The following PARL variants were observed in gnomAD, a reference collection of about 807,000 sequenced individuals.
PARL encodes the protein presenilin-associated rhomboid-like protein, mitochondrial.
PARL carries 44 observed loss-of-function variants against 51.6 expected under a neutral mutation model. The observed-to-expected ratio is 0.85, with a 90% CI of 0.67 to 1.10. The LOEUF (loss-of-function observed/expected upper bound fraction) is 1.10. PARL is among the 50% of genes least tolerant of loss of function. The pLI, the probability that PARL is intolerant of heterozygous loss-of-function variation, is 0.00. For missense variants in PARL, 441 were observed against 469.5 expected (o/e 0.94, Z 0.56); for synonymous variants, 172 against 164.0 (o/e 1.05, Z -0.37).
Position 183,829,522 on chromosome 3 carries a change from T to C in PARL, c.*76A>G. On this transcript the variant is annotated 3_prime_UTR_variant, in exon 10 of 10. Coordinates refer to ENST00000317096, the MANE Select transcript of PARL (RefSeq NM_018622.7). ...CATCTTCCAGACGGGAGCATAGCCA[T>C]GGTCACTCTAGCCGATGTCTCCTGG... is the stretch of plus-strand genomic sequence containing the variant. The C allele has an allele frequency of 1.9e-6, 3 of 1,613,714 alleles. No homozygotes were observed. The highest frequency in any genetic ancestry group is 1.7e-6 in the Non-Finnish European group (2 of 1,179,998).
chr3:183,882,226 T>C (rs867729769), intron 1 of PARL, among the ~76,000 whole-genome samples: 2 of 25,780 alleles, frequency 7.8e-5, no homozygotes, highest in Non-Finnish European at 1.5e-4. Context: ...AAAAAAAATA[T>C]ATATATATAT....
chr3:183,871,150 AACTCAAAGTAAGATGGTACTAT>A (rs1187844836), intron 1 of PARL, among the ~76,000 whole-genome samples: 6 of 152,234 alleles, frequency 3.9e-5, no homozygotes, highest in African/African-American at 1.4e-4. Context: ...TATTGTGAGT[AACTCAAAGTAAGATGGTACTAT>A]ACTCAAAGTA....
intron 9 of PARL, among the ~76,000 whole-genome samples, chr3:183,831,255 C>T (rs770884938): frequency 1.2e-4 from 19 of 152,222 alleles, no homozygotes; most frequent in Non-Finnish European, 2.2e-4. Flanking sequence ...GGATTACAGG[C>T]GTGAGCCACT....
chr3:183,838,327 G>A (rs1254427320), intron 7 of PARL, among the ~76,000 whole-genome samples: 3 of 152,144 alleles, frequency 2.0e-5, no homozygotes, highest in Non-Finnish European at 2.9e-5. Context: ...GTGCCTGGCT[G>A]TCCCCTGCAT....
intron 4 of PARL, among the ~76,000 whole-genome samples, chr3:183,846,188 T>C (rs1729925429): frequency 1.3e-5 from 2 of 151,488 alleles, no homozygotes; most frequent in South Asian, 4.2e-4. Flanking sequence ...GGAAAATACA[T>C]GAAAAAAAAT....
intron 3 of PARL, among the ~76,000 whole-genome samples, chr3:183,864,703 G>A (rs190130278): frequency 7.0e-4 from 106 of 151,928 alleles, no homozygotes; most frequent in Middle Eastern, 3.4e-3. Flanking sequence ...GTGAACCCGG[G>A]AGGCAGAGCT....
chr3:183,882,269 T>TTATATATATATATATATATATATTTA (rs1160451429), intron 1 of PARL, among the ~76,000 whole-genome samples: 8 of 30,484 alleles, frequency 2.6e-4, no homozygotes, highest in Non-Finnish European at 5.3e-4. Context: ...ATATATATAT[T>TTATATATATATATATATATATATTTA]TATATATATA....
chr3:183,838,000 A>G (rs779553840), intron 7 of PARL, among the ~76,000 whole-genome samples: 1 of 150,374 alleles, frequency 6.7e-6, no homozygotes, highest in Non-Finnish European at 1.5e-5. Context: ...ATTTACAAAC[A>G]TATTTTAACA....
chr3:183,860,482 T>C (rs372758257), intron 4 of PARL, among the ~76,000 whole-genome samples: 1 of 152,222 alleles, frequency 6.6e-6, no homozygotes, highest in African/African-American at 2.4e-5. Context: ...CACATTTATG[T>C]TGTTCAAAGC....
Position 183,842,408 on chromosome 3 carries a change from T to A in PARL, c.647A>T (p.His216Leu), listed in dbSNP as rs571104101. ...CSPMLLSTFSHFSLFHMAANM... is the reference protein window; with the variant it reads ...CSPMLLSTFSLFSLFHMAANM... ...TGCTGCCATGTGAAATAAGGAGAAA[T>A]GACTGAATGTTGACAGCAACATTGG... Residue 216 changes from histidine to leucine, a missense_variant, in exon 6 of 10, where the codon CAT (histidine) becomes CTT (leucine). Physicochemically the swap from His to Leu is moderately conservative, Grantham distance 99. Coordinates refer to ENST00000317096, the MANE Select transcript of PARL (RefSeq NM_018622.7). 6.2e-7 allele frequency: 1 copy of A among 1,612,800 alleles called. No individual in the cohort carries two copies. Among genetic ancestry groups the A allele is most frequent in the East Asian group, 2.2e-5 (1 of 44,880 alleles).
At chr3:183,868,104 C>A (rs1475701665) in intron 1 of PARL, 44 bp from the exon 2 acceptor site, 3 of 1,388,550 alleles carry the variant, frequency 2.2e-6, no homozygotes, top group Admixed American at 3.4e-5. Context: ...TAGCGTCTTG[C>A]AAATATCAAC....
intron 5 of PARL, 60 bp downstream of exon 5, chr3:183,844,171 A>G (rs1729672836): frequency 7.8e-6 from 9 of 1,156,490 alleles, no homozygotes; most frequent in Non-Finnish European, 1.2e-5. Flanking sequence ...TCCATTAACT[A>G]AAGCATATTT....
intron 9 of PARL, among the ~76,000 whole-genome samples, chr3:183,832,539 A>AC (rs1728072818): frequency 6.6e-6 from 1 of 152,092 alleles, no homozygotes; most frequent in African/African-American, 2.4e-5. Flanking sequence ...TTTCTTTTTA[A>AC]TAAAAAAAAA....
chr3:183,832,101 G>C (rs1402048976), intron 9 of PARL, among the ~76,000 whole-genome samples: 2 of 152,106 alleles, frequency 1.3e-5, no homozygotes, highest in African/African-American at 4.8e-5. Context: ...ACTGCTGTTA[G>C]AGCTAGACCT....
intron 1 of PARL, among the ~76,000 whole-genome samples, chr3:183,870,567 G>C (rs73887541): frequency 0.05 from 7,591 of 151,984 alleles, 663 homozygotes; most frequent in African/African-American, 0.17. Flanking sequence ...TTCTGGCCTG[G>C]AATACGCCAC....
chr3:183,843,556 C>T (rs1207364057), intron 5 of PARL, among the ~76,000 whole-genome samples: 1 of 151,810 alleles, frequency 6.6e-6, no homozygotes, highest in African/African-American at 2.4e-5. Context: ...ATTGGCCGGG[C>T]GCAGTGGCTC....
intron 7 of PARL, among the ~76,000 whole-genome samples, chr3:183,840,212 G>A (rs930523182): frequency 6.6e-6 from 1 of 152,122 alleles, no homozygotes; most frequent in Non-Finnish European, 1.5e-5. Context: ...TAAATAGGAG[G>A]ATAAAGTACC....
At chr3:183,869,421 T>C (rs1194135188) in intron 1 of PARL, among the ~76,000 whole-genome samples, 2 of 152,134 alleles carry the variant, frequency 1.3e-5, no homozygotes, top group Non-Finnish European at 2.9e-5. Flanking sequence ...TTGGTCAGGC[T>C]GGTCTCGAAC....
Position 183,836,343 on chromosome 3 carries a change from G to T in PARL, c.829-2518C>A, listed in dbSNP as rs563109551. 1.4e-3 allele frequency among the ~76,000 whole-genome samples: 205 copies of T among 151,204 alleles called. 1 individual carries two copies. Among genetic ancestry groups the T allele is most frequent in the African/African-American group, 4.8e-3 (199 of 41,148 alleles). On this transcript the variant is annotated intron_variant, in intron 7 of 9. Coordinates refer to ENST00000317096, the MANE Select transcript of PARL (RefSeq NM_018622.7). ...ATCTGTACAATTCCATGGAACGCTG[G>T]TTTTTTTGTGATTATAACTTATTGT... is the stretch of plus-strand genomic sequence containing the variant.
Sources: allele counts gnomAD v4.1 joint callset (sites outside exome capture counted in the v4.1 genomes callset), GRCh38; gene constraint gnomAD v4.1.1; transcripts MANE v1.5; gene names NCBI Gene and HGNC (gene_info 2026-07-23, HGNC 2026-07-21).